PTPRD: variants seen among roughly 807,000 people sequenced by gnomAD.
PTPRD encodes the protein protein tyrosine phosphatase receptor type D.
Under a neutral mutation model 214.5 loss-of-function variants are expected in PTPRD, and 34 were observed. The ratio of observed to expected loss-of-function variants is 0.16; its 90% CI spans 0.12 to 0.21. The LOEUF is 0.21. PTPRD is among the 10% of genes least tolerant of loss of function. PTPRD has a pLI of 1.00. For missense variants in PTPRD, 2,545 were observed against 2,398.7 expected, an observed-to-expected ratio of 1.06 and a Z score of -1.27; for synonymous variants, 1,128 against 845.7, an observed-to-expected ratio of 1.33 and a Z score of -5.79.
intron 3 of PTPRD, among the ~76,000 whole-genome samples, chr9:10,262,655 C>T (rs552415380): frequency 1.3e-5 from 2 of 152,270 alleles, no homozygotes; most frequent in South Asian, 4.1e-4. Flanking sequence ...AGATGCTGAC[C>T]AGCTATATGA....
chr9:10,154,024 GGTA>G (rs923068613), intron 3 of PTPRD, among the ~76,000 whole-genome samples: 1 of 151,938 alleles, frequency 6.6e-6, no homozygotes, highest in Non-Finnish European at 1.5e-5. Flanking sequence ...TGGGTGGAAT[GGTA>G]GTTCTGTTTT....
At chr9:10,488,512 T>C (rs2099148010) in intron 2 of PTPRD, among the ~76,000 whole-genome samples, 1 of 152,098 alleles carries the variant, frequency 6.6e-6, no homozygotes, top group Non-Finnish European at 1.5e-5. Context: ...CAGGTGGCAA[T>C]GTCAGGCAGG....
intron 35 of PTPRD, among the ~76,000 whole-genome samples, chr9:8,414,401 T>C (rs2093745053): frequency 6.6e-6 from 1 of 152,218 alleles, no homozygotes; most frequent in Non-Finnish European, 1.5e-5. Context: ...CCAATGACAG[T>C]TCTGTATAAA....
intron 8 of PTPRD, among the ~76,000 whole-genome samples, chr9:9,539,562 C>A (rs1419725910): frequency 6.6e-6 from 1 of 151,774 alleles, no homozygotes; most frequent in Non-Finnish European, 1.5e-5. Flanking sequence ...CTATGTGTGG[C>A]CTTTAGAAAC....
At chr9:9,823,355 T>G (rs1002625693) in intron 5 of PTPRD, among the ~76,000 whole-genome samples, 2 of 151,938 alleles carry the variant, frequency 1.3e-5, no homozygotes, top group Non-Finnish European at 2.9e-5. Context: ...AGATGACACG[T>G]ACTTTTAAAT....
chr9:9,820,554 T>C (rs1184070669), intron 5 of PTPRD, among the ~76,000 whole-genome samples: 1 of 152,176 alleles, frequency 6.6e-6, no homozygotes, highest in East Asian at 1.9e-4. Context: ...ATAAATTCTT[T>C]CCCAAGGCCC....
intron 3 of PTPRD, among the ~76,000 whole-genome samples, chr9:10,314,754 A>C (rs1258021705): frequency 6.6e-6 from 1 of 151,972 alleles, no homozygotes; most frequent in African/African-American, 2.4e-5. Flanking sequence ...AGTGATCAAC[A>C]CTATCCACTA....
At chr9:8,696,969 C>G (rs568595900) in intron 12 of PTPRD, among the ~76,000 whole-genome samples, 2 of 134,680 alleles carry the variant, frequency 1.5e-5, no homozygotes, top group South Asian at 2.3e-4. Context: ...TTAGTTTTCT[C>G]TTTCTTTTAA....
intron 5 of PTPRD, among the ~76,000 whole-genome samples, chr9:9,874,227 G>A (rs553876820): frequency 6.6e-6 from 1 of 152,136 alleles, no homozygotes; most frequent in Non-Finnish European, 1.5e-5. Flanking sequence ...GGCCGAAGAC[G>A]AGAGAGAGGG....
At chr9:10,505,275 G>C (rs2045531494) in intron 2 of PTPRD, among the ~76,000 whole-genome samples, 1 of 152,154 alleles carries the variant, frequency 6.6e-6, no homozygotes, top group South Asian at 2.1e-4. Flanking sequence ...TATTCCCAAA[G>C]AGAGGCAATT....
intron 11 of PTPRD, among the ~76,000 whole-genome samples, chr9:8,795,828 G>A (rs552097140): frequency 1.3e-5 from 2 of 152,204 alleles, no homozygotes; most frequent in Admixed American, 6.5e-5. Flanking sequence ...AAGATCTAGA[G>A]GAGAAGATTA....
chr9:9,812,976 G>T (rs2047615909), intron 5 of PTPRD, among the ~76,000 whole-genome samples: 1 of 151,878 alleles, frequency 6.6e-6, no homozygotes, highest in African/African-American at 2.4e-5. Flanking sequence ...CAATCCAGTG[G>T]TAAGAAACTA....
At chr9:9,786,666 T>C (rs1209324610) in intron 5 of PTPRD, among the ~76,000 whole-genome samples, 1 of 152,064 alleles carries the variant, frequency 6.6e-6, no homozygotes, top group Non-Finnish European at 1.5e-5. Flanking sequence ...ATCGCCACAC[T>C]AATGTAAATG....
chr9:9,823,175 G>C (rs973815746), intron 5 of PTPRD, among the ~76,000 whole-genome samples: 1 of 152,074 alleles, frequency 6.6e-6, no homozygotes, highest in Non-Finnish European at 1.5e-5. Context: ...AATTTATAAA[G>C]AAAAGAGGTA....
chr9:9,555,959 C>A (rs1482268817), intron 8 of PTPRD, among the ~76,000 whole-genome samples: 1 of 151,970 alleles, frequency 6.6e-6, no homozygotes, highest in African/African-American at 2.4e-5. Flanking sequence ...TTTTTTGTGT[C>A]TTAAATTACT....
chr9:9,289,306 T>C (rs1390352893), intron 9 of PTPRD, among the ~76,000 whole-genome samples: 3 of 151,912 alleles, frequency 2.0e-5, no homozygotes, highest in African/African-American at 7.2e-5. Flanking sequence ...AGCTAGCAAC[T>C]TATTTTATGT....
chr9:8,843,238 G>C (rs142344858), intron 11 of PTPRD, among the ~76,000 whole-genome samples: 1 of 152,148 alleles, frequency 6.6e-6, no homozygotes, highest in Non-Finnish European at 1.5e-5. Flanking sequence ...ACTTCACATC[G>C]GGCTGGTACA....
At position 9,706,195 on chromosome 9, in the gene PTPRD, T is replaced by C. The variant is rs1237120437; in HGVS notation, c.-287+28338A>G. ...CTCCCTAATCTAGGGAAATATACAG[T>C]TGTTACAAAAGAAAACCCCAATCTG... On this transcript the variant is annotated intron_variant, in intron 7 of 45. Coordinates refer to ENST00000381196, the MANE Select transcript of PTPRD (RefSeq NM_002839.4). Among the ~76,000 whole-genome samples the C allele has an allele frequency of 3.3e-5, 5 of 152,296 alleles. No homozygotes were observed. In the East Asian group the frequency reaches 9.6e-4, roughly 29 times the overall value.
intron 11 of PTPRD, among the ~76,000 whole-genome samples, chr9:8,967,470 A>G (rs1374795964): frequency 6.6e-6 from 1 of 152,124 alleles, no homozygotes; most frequent in Non-Finnish European, 1.5e-5. Flanking sequence ...GTACATATAT[A>G]CCATGGAATA....
Sources: gnomAD v4.1 joint callset for allele counts (sites outside exome capture counted in the v4.1 genomes callset) on GRCh38, gnomAD v4.1.1 for gene constraint, MANE v1.5 for transcripts, NCBI Gene and HGNC (gene_info 2026-07-23, HGNC 2026-07-21) for gene names.